Variants in PARVG observed in about 807,000 individuals in gnomAD.
PARVG encodes the protein gamma-parvin.
A neutral mutation model predicts 44.4 loss-of-function variants in PARVG; 36 were observed. The observed-to-expected ratio is 0.81, with a 90% confidence interval of 0.62 to 1.07. PARVG has a LOEUF of 1.07. PARVG is among the 50% of genes least tolerant of loss of function. The probability of loss-of-function intolerance (pLI) is 0.00; values close to 1 mark genes in which losing one functional copy is unlikely to be tolerated. For missense variants in PARVG, 407 were observed against 407.4 expected (o/e 1.00, Z 0.01); for synonymous variants, 170 against 174.1 (o/e 0.98, Z 0.19).
chr22:44,193,731 T>G (rs1052536202), intron 8 of PARVG, 70 bp from the exon 9 acceptor site: 2 of 1,586,274 alleles, frequency 1.3e-6, no homozygotes, highest in Non-Finnish European at 1.7e-6. Context: ...GCTTGTCATA[T>G]TGAGAAATTG....
chr22:44,203,300 T>C (rs995635577), intron 12 of PARVG, among the ~76,000 whole-genome samples: 1 of 152,182 alleles, frequency 6.6e-6, no homozygotes, highest in African/African-American at 2.4e-5. Flanking sequence ...AAAACATTGG[T>C]CCCAGGAGGT....
chr22:44,195,663 G>C (rs2054607960), intron 9 of PARVG, among the ~76,000 whole-genome samples: 1 of 152,172 alleles, frequency 6.6e-6, no homozygotes, highest in Admixed American at 6.5e-5. Flanking sequence ...GCAGGGAGCA[G>C]TCCTCACTCA....
At chr22:44,178,453 G>T (rs755391835), upstream of PARVG, among the ~76,000 whole-genome samples, 8 of 152,182 alleles carry the variant, frequency 5.3e-5, no homozygotes, top group Non-Finnish European at 1.2e-4. Flanking sequence ...ATTAAAAACA[G>T]ACATCAAAAG....
intron 5 of PARVG, chr22:44,188,848 C>T: frequency 2.0e-6 from 1 of 502,830 alleles, no homozygotes; most frequent in Non-Finnish European, 3.6e-6. Flanking sequence ...TGGGCTCTCT[C>T]AACCAGCTCA....
chr22:44,183,224 C>A, intron 2 of PARVG, 94 bp from the exon 3 acceptor site: 1 of 1,197,246 alleles, frequency 8.4e-7, no homozygotes, highest in South Asian at 1.4e-5. Flanking sequence ...GGCTTCTACC[C>A]TCCTTCTGTG....
intron 5 of PARVG, 116 bp from the exon 6 acceptor site, chr22:44,188,998 C>T: frequency 1.4e-6 from 2 of 1,387,164 alleles, no homozygotes; most frequent in Non-Finnish European, 2.0e-6. Context: ...CAAGAATGGG[C>T]TCTCCAGACC....
chr22:44,193,957 T>C, intron 9 of PARVG, 134 bp downstream of exon 9: 1 of 1,161,406 alleles, frequency 8.6e-7, no homozygotes, highest in Non-Finnish European at 1.2e-6. Flanking sequence ...CAAGCCTCAT[T>C]CTTATTCATT....
upstream of PARVG, among the ~76,000 whole-genome samples, chr22:44,177,847 G>A (rs1193051602): frequency 6.6e-6 from 1 of 152,126 alleles, no homozygotes; most frequent in Non-Finnish European, 1.5e-5. Context: ...GTCTGACAGA[G>A]TGCACTGTTT....
rs766827561 is a variant in PARVG, at chr22:44,174,472, C to T, written c.-189+1281C>T. On this transcript the variant is annotated intron_variant, in intron 1 of 13. Transcript: ENST00000422871. ...CTGTAATCCCAGCACTTTGGGAGGC[C>T]GAGGTGGGCTGATCACTTGAGGCTA... Among the ~76,000 whole-genome samples the T allele has an allele frequency of 3.3e-5, 5 of 150,266 alleles. No individual in the cohort carries two copies. In the South Asian group the frequency reaches 6.4e-4, roughly 19 times the overall value.
intron 8 of PARVG, among the ~76,000 whole-genome samples, chr22:44,193,021 G>C (rs2054570766): frequency 6.6e-6 from 1 of 152,232 alleles, no homozygotes; most frequent in Non-Finnish European, 1.5e-5. Flanking sequence ...TGGGGCTGGA[G>C]CTGTGTGGAC....
chr22:44,199,947 G>C (rs887560274), intron 12 of PARVG, among the ~76,000 whole-genome samples: 3 of 152,178 alleles, frequency 2.0e-5, no homozygotes, highest in African/African-American at 7.2e-5. Context: ...CTGCTTCCAG[G>C]CATGAGGGCT....
At chr22:44,195,948 CAG>C in intron 9 of PARVG, 1 of 584,774 alleles carries the variant, frequency 1.7e-6, no homozygotes, top group Non-Finnish European at 3.0e-6. Flanking sequence ...TAGGGAGGCA[CAG>C]AGAGAGACGG....
intron 9 of PARVG, 150 bp downstream of exon 9, chr22:44,193,973 C>G: frequency 9.8e-7 from 1 of 1,024,750 alleles, no homozygotes; most frequent in Non-Finnish European, 1.4e-6. Flanking sequence ...TCATTTGTCC[C>G]TCTTTCTGTC....
At chr22:44,196,000 CA>C (rs2054611870) in intron 9 of PARVG, 154 bp from the exon 10 acceptor site, 1 of 760,338 alleles carries the variant, frequency 1.3e-6, no homozygotes, top group South Asian at 1.8e-5. Flanking sequence ...AGCAGTGACT[CA>C]AATCCAGGTC....
At chr22:44,205,870 G>C (rs757915999) in intron 13 of PARVG, 41 bp downstream of exon 13, 46 of 1,600,524 alleles carry the variant, frequency 2.9e-5, no homozygotes, top group Non-Finnish European at 3.7e-5. Context: ...CCAGCCCTGG[G>C]TGGCAGCCTT....
chr22:44,195,523 C>T (rs2147232783), intron 9 of PARVG, among the ~76,000 whole-genome samples: 2 of 152,338 alleles, frequency 1.3e-5, no homozygotes, highest in South Asian at 4.1e-4. Flanking sequence ...AGCCTGAGGA[C>T]ATGGGCACCC....
chr22:44,192,305 T>C (rs1274227666), intron 8 of PARVG, among the ~76,000 whole-genome samples: 3 of 152,084 alleles, frequency 2.0e-5, no homozygotes, highest in Non-Finnish European at 4.4e-5. Context: ...TCCAACCAGG[T>C]CCCTGCCTGG....
At chr22:44,195,363 G>C (rs1019904125) in intron 9 of PARVG, among the ~76,000 whole-genome samples, 1 of 152,208 alleles carries the variant, frequency 6.6e-6, no homozygotes, top group Non-Finnish European at 1.5e-5. Flanking sequence ...GAGAGGTGCT[G>C]TGACTTGCTT....
rs1441026280 is a variant in PARVG, at chr22:44,206,479, CGAGGCTGCA to C, written c.*55_*63del. ...TGCCTGTCAGCCCAGCTGGAGGGCC[CGAGGCTGCA>C]GGGTGTCCTCCCACAGTCCCGCTGT... On this transcript the variant is annotated 3_prime_UTR_variant, in exon 14 of 14. Transcript: ENST00000444313. The C allele has an allele frequency of 3.3e-6, 5 of 1,536,232 alleles. No homozygotes were observed. In the African/African-American group the frequency reaches 6.8e-5, roughly 21 times the overall value.
Sources: gnomAD v4.1 joint callset for allele counts (sites outside exome capture counted in the v4.1 genomes callset) on GRCh38, gnomAD v4.1.1 for gene constraint, MANE v1.5 for transcripts, NCBI Gene and HGNC (gene_info 2026-07-23, HGNC 2026-07-21) for gene names.